Variants in BMPER observed in about 807,000 individuals in gnomAD.
BMPER encodes the protein BMP-binding endothelial regulator protein.
A neutral mutation model predicts 87.3 loss-of-function variants in BMPER; 45 were observed. The ratio of observed to expected loss-of-function variants is 0.52; its 90% CI spans 0.41 to 0.66. The LOEUF (loss-of-function observed/expected upper bound fraction) is 0.66. Among genes scored for constraint, BMPER ranks in the 30% least tolerant of loss-of-function variants. The pLI, the probability that BMPER is intolerant of heterozygous loss-of-function variation, is 0.00. For missense variants in BMPER, 784 were observed against 867.5 expected (o/e 0.90, Z 1.21); for synonymous variants, 326 against 316.2 (o/e 1.03, Z -0.33).
intron 9 of BMPER, among the ~76,000 whole-genome samples, chr7:34,056,480 G>A (rs1788287946): frequency 2.0e-5 from 3 of 152,170 alleles, no homozygotes; most frequent in Non-Finnish European, 4.4e-5. Flanking sequence ...GGGGAGGCAT[G>A]TGTGTTGTGT....
intron 13 of BMPER, among the ~76,000 whole-genome samples, chr7:34,094,060 G>A (rs919203823): frequency 6.6e-6 from 1 of 152,134 alleles, no homozygotes; most frequent in Non-Finnish European, 1.5e-5. Context: ...TGGTCTGGGG[G>A]CTCCATCAGA....
intron 14 of BMPER, among the ~76,000 whole-genome samples, chr7:34,147,493 G>A (rs113773180): frequency 3.6e-4 from 55 of 152,176 alleles, no homozygotes; most frequent in African/African-American, 1.1e-3. Context: ...TTTTTGAGAC[G>A]GAGTTTTGCT....
rs1184933628 is a variant in BMPER, at chr7:33,978,276, A to G, written c.576+3492A>G. 2.6e-5 allele frequency among the ~76,000 whole-genome samples: 4 copies of G among 152,226 alleles called. No homozygotes were observed. The South Asian group carries it at 8.3e-4, about 32-fold the overall frequency. ...GGAAGCAGAGACAGCAGCCCTTGCCAGACACCAAACCAGCCAGCACCTTGA... is the reference window on the plus strand; with the variant it reads ...GGAAGCAGAGACAGCAGCCCTTGCCGGACACCAAACCAGCCAGCACCTTGA... On this transcript the variant is annotated intron_variant, in intron 6 of 14. Coordinates refer to ENST00000649409, the MANE Select transcript of BMPER (RefSeq NM_001365308.1).
At chr7:34,108,878 G>T (rs1789890821) in intron 13 of BMPER, among the ~76,000 whole-genome samples, 1 of 152,148 alleles carries the variant, frequency 6.6e-6, no homozygotes, top group Admixed American at 6.5e-5. Context: ...TAGGCTACCA[G>T]GTGCTTTATT....
intron 2 of BMPER, among the ~76,000 whole-genome samples, chr7:33,909,071 G>A (rs1783889495): frequency 6.6e-6 from 1 of 152,170 alleles, no homozygotes; most frequent in South Asian, 2.1e-4. Context: ...AATAGCAATG[G>A]TAAACATTTA....
At chr7:34,133,651 TG>T (rs1227016328) in intron 13 of BMPER, among the ~76,000 whole-genome samples, 1 of 152,154 alleles carries the variant, frequency 6.6e-6, no homozygotes, top group Non-Finnish European at 1.5e-5. Context: ...GGCCACAACC[TG>T]GGACTGTGAT....
intron 13 of BMPER, among the ~76,000 whole-genome samples, chr7:34,114,911 C>T (rs1269338239): frequency 2.6e-5 from 4 of 152,220 alleles, no homozygotes; most frequent in Non-Finnish European, 5.9e-5. Flanking sequence ...TGTTGCAGGC[C>T]ACCCACAAAA....
At chr7:34,065,777 G>A (rs1288679828) in intron 11 of BMPER, among the ~76,000 whole-genome samples, 1 of 152,214 alleles carries the variant, frequency 6.6e-6, no homozygotes, top group Non-Finnish European at 1.5e-5. Flanking sequence ...AAAGCATGCA[G>A]GTTTTGAGTA....
At chr7:34,106,523 C>G (rs1467137720) in intron 13 of BMPER, among the ~76,000 whole-genome samples, 1 of 152,186 alleles carries the variant, frequency 6.6e-6, no homozygotes, top group East Asian at 1.9e-4. Flanking sequence ...TTGCCATTCT[C>G]AATTCCCTAT....
chr7:34,121,012 A>G (rs575459603), intron 13 of BMPER, among the ~76,000 whole-genome samples: 1 of 151,054 alleles, frequency 6.6e-6, no homozygotes, highest in Non-Finnish European at 1.5e-5. Flanking sequence ...TAGGTAATAT[A>G]TAATTATTTA....
At chr7:34,140,037 A>G (rs988305424) in intron 13 of BMPER, among the ~76,000 whole-genome samples, 1 of 152,218 alleles carries the variant, frequency 6.6e-6, no homozygotes, top group Admixed American at 6.5e-5. Flanking sequence ...GAATGTAGTT[A>G]CTGTGAATAT....
chr7:33,985,256 C>A (rs1292849958), intron 6 of BMPER, among the ~76,000 whole-genome samples: 1 of 152,156 alleles, frequency 6.6e-6, no homozygotes, highest in Non-Finnish European at 1.5e-5. Flanking sequence ...TTTTTTCCCT[C>A]CATATGTACC....
intron 6 of BMPER, among the ~76,000 whole-genome samples, chr7:33,986,363 C>T (rs942954064): frequency 6.6e-6 from 1 of 152,160 alleles, no homozygotes; most frequent in Admixed American, 6.5e-5. Flanking sequence ...GGATAATGTA[C>T]CTCACAGCTT....
chr7:33,917,662 A>T (rs2128603469), intron 2 of BMPER, among the ~76,000 whole-genome samples: 1 of 152,338 alleles, frequency 6.6e-6, no homozygotes, highest in Middle Eastern at 3.4e-3. Flanking sequence ...CACTTCAAAG[A>T]GAAGGATAGA....
chr7:33,928,581 G>A (rs1010453762), intron 2 of BMPER, among the ~76,000 whole-genome samples: 8 of 139,240 alleles, frequency 5.7e-5, no homozygotes, highest in African/African-American at 2.2e-4. Context: ...TTCTACTTGA[G>A]CAGCCAGGAC....
At chr7:33,928,225 A>G (rs1393242435) in intron 2 of BMPER, among the ~76,000 whole-genome samples, 1 of 152,072 alleles carries the variant, frequency 6.6e-6, no homozygotes, top group Non-Finnish European at 1.5e-5. Flanking sequence ...CTCGGTTCAC[A>G]TGCCTGGCAG....
intron 2 of BMPER, among the ~76,000 whole-genome samples, chr7:33,921,464 A>G (rs2128604671): frequency 6.6e-6 from 1 of 152,356 alleles, no homozygotes; most frequent in East Asian, 1.9e-4. Flanking sequence ...GTCCAATCCC[A>G]GGCAGAGTCC....
intron 6 of BMPER, among the ~76,000 whole-genome samples, chr7:34,029,170 G>C (rs1431888612): frequency 6.6e-6 from 1 of 152,006 alleles, no homozygotes; most frequent in African/African-American, 2.4e-5. Context: ...GGGATATGGT[G>C]GTGAGCAATT....
At chr7:34,052,594 G>A (rs1585779628) in intron 8 of BMPER, among the ~76,000 whole-genome samples, 1 of 152,322 alleles carries the variant, frequency 6.6e-6, no homozygotes, top group South Asian at 2.1e-4. Context: ...ACATTTATCA[G>A]GGAGGACTTT....
Sources: gnomAD v4.1 joint callset for allele counts (sites outside exome capture counted in the v4.1 genomes callset) on GRCh38, gnomAD v4.1.1 for gene constraint, MANE v1.5 for transcripts, NCBI Gene and HGNC (gene_info 2026-07-23, HGNC 2026-07-21) for gene names.